The following OR11A1 variants were observed in gnomAD, a reference collection of about 807,000 sequenced individuals.
The protein encoded by OR11A1 is olfactory receptor family 11 subfamily A member 1.
For synonymous variants in OR11A1, 158 were observed against 152.2 expected (o/e 1.04, Z -0.28); for missense variants, 380 against 378.2 (o/e 1.00, Z -0.04).
chr6:29,428,079 T>C, intron 4 of OR11A1: 1 of 318,814 alleles, frequency 3.1e-6, no homozygotes, highest in Non-Finnish European at 4.6e-6. Flanking sequence ...CAAACTCTTC[T>C]ATCTTTCTCA....
chr6:29,426,509 A>T lies in OR11A1; in HGVS notation c.*185T>A, dbSNP rs1782812432. 1 of 572,520 alleles carries T rather than the reference A, an allele frequency of 1.7e-6. No homozygotes were observed. The highest frequency in any genetic ancestry group is 1.9e-5 in the African/African-American group (1 of 53,688). 35.5% of individuals were successfully genotyped at this position (572,520 alleles called of 1,614,324 possible). A position where few individuals can be genotyped will look rare whatever the true frequency, so the allele number is the denominator to read the frequency against. On this transcript the variant is annotated 3_prime_UTR_variant, in exon 5 of 5. Coordinates refer to ENST00000377149, the MANE Select transcript of OR11A1 (RefSeq NM_001394828.1). ...GTTTACCTATGTAACAAACCTGCAC[A>T]TGTACCCTTGAACTTAAAATAAAAG... is the stretch of plus-strand genomic sequence containing the variant.
chr6:29,426,919 T>C lies in OR11A1; in HGVS notation c.723A>G (p.Thr241=), dbSNP rs781326974. ...AGASRRRAFS[T]CSSHLAVVTT... is the part of the protein sequence containing the mutation. Reference sequence around the variant, plus strand: ...TCACTACAGCTAGGTGGGAGGAGCATGTGGAGAAAGCCCTTCTCCTGCTTG... The same window carrying C: ...TCACTACAGCTAGGTGGGAGGAGCACGTGGAGAAAGCCCTTCTCCTGCTTG... Residue 241 remains threonine, a synonymous_variant, in exon 5 of 5, where the codon ACA becomes ACG. Coordinates refer to ENST00000377149, the MANE Select transcript of OR11A1 (RefSeq NM_001394828.1). The C allele has an allele frequency of 4.3e-5, 69 of 1,612,858 alleles. No homozygotes were observed. Among genetic ancestry groups the C allele is most frequent in the Non-Finnish European group, 5.8e-5 (68 of 1,179,996 alleles).
At chr6:29,451,138 T>C (rs773746793) in intron 1 of OR11A1, among the ~76,000 whole-genome samples, 10 of 152,220 alleles carry the variant, frequency 6.6e-5, no homozygotes, top group South Asian at 2.1e-4. Flanking sequence ...CTGGGCTAAC[T>C]GGCTAGCCGT....
At position 29,447,059 on chromosome 6, in the gene OR11A1, T is replaced by C. The variant is rs571424715; in HGVS notation, c.-389+9928A>G. On this transcript the variant is annotated intron_variant, in intron 1 of 4. Coordinates refer to ENST00000377149, the MANE Select transcript of OR11A1 (RefSeq NM_001394828.1). ...TTTACCTAATAACTGGAACTTATCA[T>C]CCAGAACAATGTTTTCTGCCTCTTT... 3.9e-5 allele frequency among the ~76,000 whole-genome samples: 6 copies of C among 152,322 alleles called. No individual in the cohort carries two copies. In the East Asian group the frequency reaches 1.2e-3, roughly 29 times the overall value.
Position 29,457,031 on chromosome 6 carries a change from A to G in OR11A1, c.-433T>C, listed in dbSNP as rs957598150. 6 of 152,162 alleles carry G rather than the reference A, an allele frequency of 3.9e-5. No homozygotes were observed. The highest frequency in any genetic ancestry group is 1.4e-4 in the African/African-American group (6 of 41,440). The allele number at this position is 152,162 out of a possible 1,614,324, so 9.4% of individuals were successfully genotyped here. The stretch of plus-strand genomic sequence containing the variant: ...TTGCACGTTTTTAGTAGGGAGCCTT[A>G]GTTTCTCCCCATATGTGTGTTTCCA... On this transcript the variant is annotated 5_prime_UTR_variant, in exon 1 of 5. An upstream open reading frame in the 5' UTR loses its in-frame stop. Transcript: ENST00000377149.
rs561562148 is a variant in OR11A1, at chr6:29,426,501, A to T, written c.*193T>A. On this transcript the variant is annotated 3_prime_UTR_variant, in exon 5 of 5. Transcript: ENST00000377149. ...TGACACAAGTTTACCTATGTAACAA[A>T]CCTGCACATGTACCCTTGAACTTAA... The T allele has an allele frequency of 1.6e-4, 88 of 562,120 alleles. 1 individual carries two copies. Among genetic ancestry groups the T allele is most frequent in the Middle Eastern group, 4.5e-4 (1 of 2,202 alleles). The allele number at this position is 562,120 out of a possible 1,614,324, so 34.8% of individuals were successfully genotyped here.
At chr6:29,429,958 A>C (rs1783128029) in intron 3 of OR11A1, among the ~76,000 whole-genome samples, 1 of 152,188 alleles carries the variant, frequency 6.6e-6, no homozygotes, top group South Asian at 2.1e-4. Context: ...GCTACATCCA[A>C]GGTAACAAGA....
At chr6:29,452,545 T>C (rs1785537075) in intron 1 of OR11A1, among the ~76,000 whole-genome samples, 1 of 151,894 alleles carries the variant, frequency 6.6e-6, no homozygotes, top group African/African-American at 2.4e-5. Flanking sequence ...TAATAAGGAA[T>C]AACAATAAAA....
In OR11A1 at chr6:29,426,424, AG is replaced by A. The variant is rs1282682604; in HGVS notation, c.*269del. ...AGAAGATCAGGAAAAATGATTAATG[AG>A]TACTAGGCTTAATACCTGGGTGATG... On this transcript the variant is annotated 3_prime_UTR_variant, in exon 5 of 5. Transcript: ENST00000377149. The A allele has an allele frequency of 4.0e-5, 15 of 373,516 alleles. No individual in the cohort carries two copies. The South Asian group carries it at 9.4e-4, about 23-fold the overall frequency. The allele number at this position is 373,516 out of a possible 1,614,324, so 23.1% of individuals were successfully genotyped here.
chr6:29,433,313 T>C (rs539679920), intron 1 of OR11A1, among the ~76,000 whole-genome samples: 1 of 152,284 alleles, frequency 6.6e-6, no homozygotes, highest in South Asian at 2.1e-4. Context: ...TTTTGTAACC[T>C]TTGACCAATA....
chr6:29,442,403 A>G (rs1784284279), intron 1 of OR11A1, among the ~76,000 whole-genome samples: 2 of 152,240 alleles, frequency 1.3e-5, no homozygotes, highest in African/African-American at 4.8e-5. Flanking sequence ...AGAGGCAAGT[A>G]TTTATTAATA....
At chr6:29,440,537 G>A (rs754718036) in intron 1 of OR11A1, 2 of 1,613,554 alleles carry the variant, frequency 1.2e-6, no homozygotes, top group Non-Finnish European at 1.7e-6. Flanking sequence ...ATACCATCCC[G>A]CAGTTCTTCT....
intron 1 of OR11A1, among the ~76,000 whole-genome samples, chr6:29,438,720 C>G (rs1054024497): frequency 2.0e-5 from 3 of 152,154 alleles, no homozygotes; most frequent in Non-Finnish European, 4.4e-5. Flanking sequence ...GCATTCTCCC[C>G]ATTGGAAAGC....
At chr6:29,444,981 G>A (rs1011710984) in intron 1 of OR11A1, among the ~76,000 whole-genome samples, 1 of 152,058 alleles carries the variant, frequency 6.6e-6, no homozygotes, top group Non-Finnish European at 1.5e-5. Context: ...GCTCCTGATG[G>A]TATCTGCTAC....
At chr6:29,440,186 T>G in intron 1 of OR11A1, 1 of 1,613,802 alleles carries the variant, frequency 6.2e-7, no homozygotes, top group Non-Finnish European at 8.5e-7. Context: ...TCCAGTCCCC[T>G]ATGTACTTCT....
chr6:29,428,425 T>C (rs1390266287), intron 4 of OR11A1: 12 of 984,532 alleles, frequency 1.2e-5, no homozygotes, highest in African/African-American at 1.8e-5. Flanking sequence ...TTTCTGAAGA[T>C]AGAAGCAAGT....
chr6:29,443,219 C>T (rs954741527), intron 1 of OR11A1, among the ~76,000 whole-genome samples: 2 of 152,136 alleles, frequency 1.3e-5, no homozygotes, highest in Non-Finnish European at 2.9e-5. Flanking sequence ...GGCGCAATCA[C>T]GAAATGAACA....
At chr6:29,431,381 A>G (rs1052034102) in intron 2 of OR11A1, among the ~76,000 whole-genome samples, 3 of 152,202 alleles carry the variant, frequency 2.0e-5, no homozygotes, top group Admixed American at 2.0e-4. Flanking sequence ...TAATTACTCC[A>G]TAATAAAACA....
At chr6:29,430,127 C>T (rs895815887) in intron 3 of OR11A1, among the ~76,000 whole-genome samples, 174 bp downstream of exon 3, 8 of 152,022 alleles carry the variant, frequency 5.3e-5, no homozygotes, top group African/African-American at 1.9e-4. Flanking sequence ...GCTACTGTAC[C>T]GAAGTCTTAC....
Sources: allele counts gnomAD v4.1 joint callset (sites outside exome capture counted in the v4.1 genomes callset), GRCh38; gene constraint gnomAD v4.1.1; transcripts MANE v1.5; gene names NCBI Gene and HGNC (gene_info 2026-07-23, HGNC 2026-07-21).